Variants in GALNT2 observed in about 807,000 individuals in gnomAD.
GALNT2 encodes the protein polypeptide N-acetylgalactosaminyltransferase 2, also known as UDP-GalNAc:polypeptide N-acetylgalactosaminyltransferase 2.
GALNT2 carries 31 observed loss-of-function variants against 81.4 expected under a neutral mutation model. The observed-to-expected ratio is 0.38, with a 90% CI of 0.29 to 0.51. The LOEUF (loss-of-function observed/expected upper bound fraction) is 0.51, where lower values mean the gene tolerates loss of function less well. Ranked by LOEUF, GALNT2 falls within the 20% of genes least tolerant of loss-of-function variation. The pLI is 0.87. For synonymous variants in GALNT2, 303 were observed against 287.4 expected, an observed-to-expected ratio of 1.05 and a Z score of -0.55; for missense variants, 629 against 765.7, an observed-to-expected ratio of 0.82 and a Z score of 2.11.
At chr1:230,236,991 A>G (rs556379073) in intron 6 of GALNT2, among the ~76,000 whole-genome samples, 1 of 152,332 alleles carries the variant, frequency 6.6e-6, no homozygotes, top group South Asian at 2.1e-4. Flanking sequence ...TTCACAACCT[A>G]GGAAGTCTTA....
At chr1:230,246,242 C>G in intron 8 of GALNT2, 92 bp downstream of exon 8, 2 of 976,024 alleles carry the variant, frequency 2.0e-6, no homozygotes, top group Non-Finnish European at 3.3e-6. Context: ...GTGACAGTGA[C>G]AACAGTGTTC....
intron 3 of GALNT2, among the ~76,000 whole-genome samples, chr1:230,219,565 A>G (rs919001416): frequency 1.3e-5 from 2 of 152,012 alleles, no homozygotes; most frequent in African/African-American, 4.8e-5. Context: ...TGTATTCTGC[A>G]TGCCCCTCCC....
Position 230,279,180 on chromosome 1 carries a change from G to A in GALNT2, c.1561-123G>A. 9.3e-7 allele frequency: 1 copy of A among 1,076,498 alleles called. No individual in the cohort carries two copies. Among genetic ancestry groups the A allele is most frequent in the South Asian group, 1.7e-5 (1 of 59,812 alleles). The allele number at this position is 1,076,498 out of a possible 1,614,324, so 66.7% of individuals were successfully genotyped here. A position where few individuals can be genotyped will look rare whatever the true frequency, so the allele number is the denominator to read the frequency against. Reference sequence around the variant, plus strand: ...AAGCTCCTCGGCCGTTCAGATGAGAGGCTGGGAAAAACGTGTCTATCTGTG... The same window carrying A: ...AAGCTCCTCGGCCGTTCAGATGAGAAGCTGGGAAAAACGTGTCTATCTGTG... On this transcript the variant is annotated intron_variant, in intron 15 of 15. Transcript: ENST00000366672. The surrounding 1 kb of genome is among the most constrained non-coding windows in gnomAD (Gnocchi z 4.6).
intron 3 of GALNT2, among the ~76,000 whole-genome samples, chr1:230,226,492 C>T (rs1171332057): frequency 2.0e-5 from 3 of 152,256 alleles, no homozygotes; most frequent in African/African-American, 7.2e-5. Flanking sequence ...TTAACGCCCC[C>T]ACAGGCTCTC....
rs948931673 is a variant in GALNT2 at position 230,194,606 on chromosome 1, G to A, written c.221-8531G>A. On this transcript the variant is annotated intron_variant, in intron 2 of 15. Transcript: ENST00000366672. ...GACAAGGAATCTCCCTTCCTCTTGC[G>A]GTTAGCCCAGCCCTTCAAATGGACT... is the stretch of plus-strand genomic sequence containing the variant. 3.3e-5 allele frequency among the ~76,000 whole-genome samples: 5 copies of A among 152,202 alleles called. No individual in the cohort carries two copies. In the South Asian group the frequency reaches 8.3e-4, roughly 25 times the overall value.
chr1:230,272,323 G>C (rs987050056), intron 14 of GALNT2, among the ~76,000 whole-genome samples: 1 of 152,078 alleles, frequency 6.6e-6, no homozygotes, highest in African/African-American at 2.4e-5. Flanking sequence ...AGGGCTGGGT[G>C]GGTCAGGGCT....
rs555036058 is a variant in GALNT2, at chr1:230,200,740, G to A, written c.221-2397G>A. On this transcript the variant is annotated intron_variant, in intron 2 of 15. Transcript: ENST00000366672. ...CCTCAGACTTTGCTGTCCCCAGCAC[G>A]CCGGTGAGAAGCAAGTAGGCTGTAA... is the stretch of plus-strand genomic sequence containing the variant. 5.9e-5 allele frequency among the ~76,000 whole-genome samples: 9 copies of A among 152,338 alleles called. 1 individual carries two copies. Among genetic ancestry groups the A allele is most frequent in the African/African-American group, 2.2e-4 (9 of 41,580 alleles).
chr1:230,129,394 T>C (rs981339921), intron 1 of GALNT2, among the ~76,000 whole-genome samples: 2 of 152,214 alleles, frequency 1.3e-5, no homozygotes, highest in Non-Finnish European at 2.9e-5. Flanking sequence ...CGTAGCACCC[T>C]GAGGCTTCAA....
At chr1:230,114,749 T>A (rs1462321603) in intron 1 of GALNT2, among the ~76,000 whole-genome samples, 1 of 152,216 alleles carries the variant, frequency 6.6e-6, no homozygotes, top group Admixed American at 6.5e-5. Context: ...AAATACGTGG[T>A]GTGGCATTAA....
chr1:230,064,083 G>A (rs1373566492), upstream of GALNT2, among the ~76,000 whole-genome samples: 1 of 152,042 alleles, frequency 6.6e-6, no homozygotes, highest in Non-Finnish European at 1.5e-5. Flanking sequence ...ATATTTTGTT[G>A]TAGTGATTTT....
intron 1 of GALNT2, among the ~76,000 whole-genome samples, chr1:230,121,356 A>G (rs1344807562): frequency 6.6e-6 from 1 of 152,224 alleles, no homozygotes; most frequent in Non-Finnish European, 1.5e-5. Flanking sequence ...TGGAGGAAGC[A>G]CCAGCAGGCT....
At chr1:230,106,295 C>CT in intron 1 of GALNT2, among the ~76,000 whole-genome samples, 1 of 152,274 alleles carries the variant, frequency 6.6e-6, no homozygotes, top group East Asian at 1.9e-4. Flanking sequence ...AGATTTCAGT[C>CT]TGAGAATCTG....
intron 2 of GALNT2, among the ~76,000 whole-genome samples, chr1:230,201,714 C>G (rs1254835319): frequency 6.6e-6 from 1 of 152,220 alleles, no homozygotes; most frequent in African/African-American, 2.4e-5. Flanking sequence ...CGGCCAGGCT[C>G]TTGCTTGCTC....
intron 1 of GALNT2, among the ~76,000 whole-genome samples, chr1:230,157,093 C>CATTTGACCT (rs1662280060): frequency 6.6e-6 from 1 of 152,132 alleles, no homozygotes; most frequent in Non-Finnish European, 1.5e-5. Flanking sequence ...CATTTAAGGC[C>CATTTGACCT]TCGTGTACTG....
At chr1:230,084,911 T>C (rs1057287752) in intron 1 of GALNT2, among the ~76,000 whole-genome samples, 4 of 152,160 alleles carry the variant, frequency 2.6e-5, no homozygotes, top group Non-Finnish European at 4.4e-5. Flanking sequence ...GACAAGAATG[T>C]CTGCTTTTTC....
In GALNT2 at chr1:230,279,375, G is replaced by T. The variant is rs1354219221; in HGVS notation, c.1633G>T (p.Ala545Ser). 6.2e-7 allele frequency: 1 copy of T among 1,614,164 alleles called. No individual in the cohort carries two copies. The highest frequency in any genetic ancestry group is 1.7e-5 in the Admixed American group (1 of 60,018). ...GSNLCLDSRT[A>S]KSGGLSVEVC... is the part of the protein sequence containing the mutation. The stretch of plus-strand genomic sequence containing the variant: ...CAACCTGTGCCTGGACAGTCGCACG[G>T]CCAAGAGCGGGGGCCTAAGCGTGGA... Residue 545 changes from alanine to serine, a missense_variant, in exon 16 of 16, where the codon GCC becomes TCC. By Grantham distance (99) the Ala-to-Ser change is moderately conservative (BLOSUM62 1). This residue lies in a region of GALNT2 where 207 missense variants were observed against 225.5 expected (regional missense o/e 0.92). Coordinates refer to ENST00000366672, the MANE Select transcript of GALNT2 (RefSeq NM_004481.5). This position sits in a 1 kb window ranked among gnomAD's most constrained non-coding sequence, Gnocchi z 4.6.
At chr1:230,199,170 T>C (rs149798509) in intron 2 of GALNT2, among the ~76,000 whole-genome samples, 5 of 152,282 alleles carry the variant, frequency 3.3e-5, no homozygotes, top group African/African-American at 4.8e-5. Context: ...ACATGTCATA[T>C]TTTTAGGAAG....
intron 6 of GALNT2, among the ~76,000 whole-genome samples, chr1:230,241,153 T>A (rs1251043842): frequency 6.6e-6 from 1 of 152,206 alleles, no homozygotes; most frequent in African/African-American, 2.4e-5. Flanking sequence ...ATAGCTGCTT[T>A]TAAATCCTCC....
intron 2 of GALNT2, among the ~76,000 whole-genome samples, chr1:230,183,744 G>A (rs973862905): frequency 5.3e-5 from 8 of 152,294 alleles, no homozygotes; most frequent in South Asian, 4.1e-4. Context: ...TTGGGAGGCC[G>A]AGGCAGGCAG....
Sources: allele counts gnomAD v4.1 joint callset (sites outside exome capture counted in the v4.1 genomes callset), GRCh38; gene constraint gnomAD v4.1.1; regional missense constraint gnomAD v4.1.1; non-coding constraint Gnocchi (gnomAD v3.1); transcripts MANE v1.5; gene names NCBI Gene and HGNC (gene_info 2026-07-23, HGNC 2026-07-21).